The following FAM171A1 variants were observed in gnomAD, a reference collection of about 807,000 sequenced individuals.
FAM171A1 encodes the protein protein FAM171A1.
A neutral mutation model predicts 74.9 loss-of-function variants in FAM171A1; 23 were observed. The observed-to-expected ratio is 0.31, with a 90% confidence interval of 0.22 to 0.44. FAM171A1 has a LOEUF of 0.44. Ranked by LOEUF, FAM171A1 falls within the 20% of genes least tolerant of loss-of-function variation. The pLI, the probability that FAM171A1 is intolerant of heterozygous loss-of-function variation, is 1.00. For missense variants in FAM171A1, 1,162 were observed against 1,159.2 expected (o/e 1.00, Z -0.03); for synonymous variants, 527 against 505.7 (o/e 1.04, Z -0.57).
rs1481950266 is a variant in FAM171A1, at chr10:15,284,013, C to T, written c.190G>A (p.Ala64Thr). 5.6e-6 allele frequency: 9 copies of T among 1,614,066 alleles called. No homozygotes were observed. The highest frequency in any genetic ancestry group is 7.6e-6 in the Non-Finnish European group (9 of 1,180,048). The change falls in exon 2 of 8, where the codon GCC (alanine) becomes ACC (threonine). Residue 64 changes from alanine to threonine, a missense_variant. Coordinates refer to ENST00000378116, the MANE Select transcript of FAM171A1 (RefSeq NM_001010924.2). ...CCATCAGTCCCCGAGGTGCCAGAGG[C>T]TATGGAGGCCTGGTTGGTGAAGATC... is the stretch of plus-strand genomic sequence containing the variant. ...IEIFTNQASI[A>T]SGTSGTDGVA...
chr10:15,368,877 T>C (rs1836098247), intron 1 of FAM171A1, among the ~76,000 whole-genome samples: 2 of 152,200 alleles, frequency 1.3e-5, no homozygotes, highest in Admixed American at 6.5e-5. Context: ...GGAGAAATTG[T>C]CCATTCCCTT....
intron 1 of FAM171A1, among the ~76,000 whole-genome samples, chr10:15,307,721 T>C (rs1835314097): frequency 6.7e-6 from 1 of 149,256 alleles, no homozygotes; most frequent in African/African-American, 2.5e-5. Flanking sequence ...AAACCATGGG[T>C]ATATTCTTCC....
chr10:15,279,635 G>A (rs945521943), intron 2 of FAM171A1, among the ~76,000 whole-genome samples: 3 of 152,074 alleles, frequency 2.0e-5, no homozygotes, highest in African/African-American at 7.2e-5. Context: ...AAAGAAGTTT[G>A]CCGGCCAGGC....
chr10:15,364,236 T>C (rs997231951), intron 1 of FAM171A1, among the ~76,000 whole-genome samples: 3 of 152,156 alleles, frequency 2.0e-5, no homozygotes, highest in African/African-American at 7.2e-5. Context: ...AGAGGCTACA[T>C]GTTCTCCCTG....
chr10:15,291,608 G>GA (rs1188897388), intron 1 of FAM171A1, among the ~76,000 whole-genome samples: 1 of 152,168 alleles, frequency 6.6e-6, no homozygotes, highest in East Asian at 1.9e-4. Flanking sequence ...ACCTGAGCGT[G>GA]ACTCTGAAGT....
chr10:15,256,629 G>A lies in FAM171A1; in HGVS notation c.419-1750C>T, dbSNP rs114461070. Among the ~76,000 whole-genome samples, 376 of 152,268 alleles carry A rather than the reference G, an allele frequency of 2.5e-3. 2 individuals carry two copies. The highest frequency in any genetic ancestry group is 8.8e-3 in the African/African-American group (364 of 41,550). On this transcript the variant is annotated intron_variant, in intron 3 of 7. Transcript: ENST00000378116. ...TTCATCCCTAAAACAAACCCACAGC[G>A]ACACACCAGCCTCTGGGGATCTGGG... is the stretch of plus-strand genomic sequence containing the variant.
At chr10:15,301,364 T>TATATATATATATATA (rs1323089320) in intron 1 of FAM171A1, among the ~76,000 whole-genome samples, 1 of 102,854 alleles carries the variant, frequency 9.7e-6, no homozygotes, top group African/African-American at 3.5e-5. Flanking sequence ...ATATATATAT[T>TATATATATATATATA]TTTTTTTTTT....
chr10:15,358,309 A>G (rs1122064), intron 1 of FAM171A1, among the ~76,000 whole-genome samples: 18,078 of 152,126 alleles, frequency 0.12, 1,105 homozygotes, highest in Middle Eastern at 0.17. Context: ...AAAATATTAA[A>G]CTTTTACAAG....
intron 1 of FAM171A1, among the ~76,000 whole-genome samples, chr10:15,307,141 G>A (rs1835305429): frequency 6.6e-6 from 1 of 152,168 alleles, no homozygotes; most frequent in Non-Finnish European, 1.5e-5. Flanking sequence ...ACCCGCAAGA[G>A]GGCACATACC....
intron 1 of FAM171A1, among the ~76,000 whole-genome samples, chr10:15,341,829 A>C (rs572324496): frequency 1.3e-5 from 2 of 152,338 alleles, no homozygotes; most frequent in South Asian, 4.1e-4. Context: ...ATCACTGCCT[A>C]GACAGAGGGA....
At chr10:15,324,857 C>A (rs1187222606) in intron 1 of FAM171A1, among the ~76,000 whole-genome samples, 1 of 152,156 alleles carries the variant, frequency 6.6e-6, no homozygotes, top group East Asian at 1.9e-4. Flanking sequence ...CACAGGCAGA[C>A]CAACTTGTAC....
chr10:15,301,186 T>C (rs1478580887), intron 1 of FAM171A1, among the ~76,000 whole-genome samples: 2 of 152,034 alleles, frequency 1.3e-5, no homozygotes, highest in East Asian at 3.9e-4. Context: ...GATGTTTCTG[T>C]TTTTGAGAGA....
intron 1 of FAM171A1, among the ~76,000 whole-genome samples, chr10:15,344,361 G>T (rs1835796798): frequency 1.3e-5 from 2 of 152,140 alleles, no homozygotes; most frequent in Non-Finnish European, 1.5e-5. Context: ...GGGCAACATA[G>T]CAAGACTTAG....
intron 1 of FAM171A1, among the ~76,000 whole-genome samples, chr10:15,351,884 C>T (rs1311483459): frequency 1.3e-5 from 2 of 152,024 alleles, no homozygotes; most frequent in Non-Finnish European, 2.9e-5. Flanking sequence ...AAAACTTCGT[C>T]TCTACAAAAA....
intron 5 of FAM171A1, chr10:15,241,676 A>C (rs1178545902): frequency 2.0e-5 from 3 of 152,160 alleles, no homozygotes; most frequent in Non-Finnish European, 2.9e-5. Context: ...TTTGATATAT[A>C]CATCAAGCTA....
chr10:15,299,483 T>G (rs934293690), intron 1 of FAM171A1, among the ~76,000 whole-genome samples: 1 of 127,868 alleles, frequency 7.8e-6, no homozygotes, highest in Non-Finnish European at 1.7e-5. Context: ...ACAGTTTTTG[T>G]TTTTGTTTTT....
At chr10:15,237,027 A>G (rs975743172) in intron 5 of FAM171A1, among the ~76,000 whole-genome samples, 4 of 152,216 alleles carry the variant, frequency 2.6e-5, no homozygotes, top group Non-Finnish European at 4.4e-5. Context: ...TGGGAGGCAG[A>G]GTGAGACTCT....
chr10:15,276,258 C>T (rs1834893324), intron 2 of FAM171A1, among the ~76,000 whole-genome samples: 1 of 151,718 alleles, frequency 6.6e-6, no homozygotes, highest in Non-Finnish European at 1.5e-5. Flanking sequence ...TCAGCTCACT[C>T]TAACCTCCGC....
chr10:15,370,887 C>T (rs976186721), intron 1 of FAM171A1, 69 bp downstream of exon 1: 30 of 810,906 alleles, frequency 3.7e-5, no homozygotes, highest in Non-Finnish European at 4.5e-5. Flanking sequence ...GCCGCCGCCG[C>T]CGCCGCCGCC....
Sources: allele counts gnomAD v4.1 joint callset (sites outside exome capture counted in the v4.1 genomes callset), GRCh38; gene constraint gnomAD v4.1.1; transcripts MANE v1.5; gene names NCBI Gene and HGNC (gene_info 2026-07-23, HGNC 2026-07-21).